The following ALK variants were observed in gnomAD, a reference collection of about 807,000 sequenced individuals.
ALK encodes the protein ALK receptor tyrosine kinase, also known as ALK tyrosine kinase receptor.
Under a neutral mutation model 163.1 loss-of-function variants are expected in ALK, and 74 were observed. The ratio of observed to expected loss-of-function variants is 0.45; its 90% CI spans 0.38 to 0.55. The LOEUF (loss-of-function observed/expected upper bound fraction) is 0.55, where lower values mean the gene tolerates loss of function less well. ALK is among the 20% of genes least tolerant of loss of function. The pLI is 0.00. For synonymous variants in ALK, 960 were observed against 843.2 expected (o/e 1.14, Z -2.40); for missense variants, 2,063 against 2,105.3 (o/e 0.98, Z 0.39).
chr2:29,810,313 T>G (rs1664724786), intron 1 of ALK, among the ~76,000 whole-genome samples: 1 of 150,706 alleles, frequency 6.6e-6, no homozygotes, highest in South Asian at 2.1e-4. Flanking sequence ...TTCCAGCTAC[T>G]CGGGAGGCTG....
chr2:29,824,429 G>C (rs1430815213), intron 1 of ALK, among the ~76,000 whole-genome samples: 1 of 152,206 alleles, frequency 6.6e-6, no homozygotes, highest in Non-Finnish European at 1.5e-5. Context: ...TGCACCATGA[G>C]CCTGGAAAAG....
chr2:29,764,652 G>C (rs751028839), intron 1 of ALK, among the ~76,000 whole-genome samples: 1 of 152,180 alleles, frequency 6.6e-6, no homozygotes, highest in African/African-American at 2.4e-5. Context: ...AGGGTGGGCA[G>C]GGACTCCCAA....
At chr2:29,717,798 A>G in intron 1 of ALK, 101 bp from the exon 2 acceptor site, 1 of 1,513,982 alleles carries the variant, frequency 6.6e-7, no homozygotes, top group Non-Finnish European at 9.2e-7. Flanking sequence ...AGGGGCTTTC[A>G]TGACATCCAT....
intron 3 of ALK, among the ~76,000 whole-genome samples, chr2:29,575,781 ATT>A (rs1674508389): frequency 2.0e-5 from 3 of 152,136 alleles, no homozygotes; most frequent in Admixed American, 6.5e-5. Flanking sequence ...TAAGCAGAAG[ATT>A]GCTCTTCTGC....
chr2:29,288,917 A>G (rs1276994414), intron 9 of ALK, among the ~76,000 whole-genome samples: 4 of 145,432 alleles, frequency 2.8e-5, no homozygotes, highest in African/African-American at 7.5e-5. Flanking sequence ...GTGCCACTGC[A>G]CTCCAGCCTG....
intron 4 of ALK, among the ~76,000 whole-genome samples, chr2:29,505,032 G>T (rs1169453476): frequency 6.6e-6 from 1 of 152,166 alleles, no homozygotes; most frequent in East Asian, 1.9e-4. Context: ...GTGGCCTGTG[G>T]TCACTCCAAG....
chr2:29,194,228 A>G (rs1668966756), intron 28 of ALK, among the ~76,000 whole-genome samples: 1 of 152,178 alleles, frequency 6.6e-6, no homozygotes, highest in South Asian at 2.1e-4. Flanking sequence ...TGGATTTAAA[A>G]AAAAAATTAA....
chr2:29,241,390 A>T (rs1664518918), intron 12 of ALK, among the ~76,000 whole-genome samples: 2 of 152,000 alleles, frequency 1.3e-5, no homozygotes, highest in African/African-American at 4.8e-5. Flanking sequence ...AAACAACATG[A>T]TAGTCCAACA....
In ALK at chr2:29,225,550, TC is replaced by T. The variant is rs1663951981; in HGVS notation, c.3082del (p.Glu1028SerfsTer8). 6.3e-7 allele frequency: 1 copy of T among 1,599,292 alleles called. No homozygotes were observed. Among genetic ancestry groups the T allele is most frequent in the Non-Finnish European group, 8.5e-7 (1 of 1,174,978 alleles). ...GATCAGCGAGAGTGGCAGGTGTGGC[TC>T]CGGGGTGGGTGACACTGGAAGACAG... ...GVSCIVSPTP[E>X]PHLPLSLILS... On this transcript the variant is annotated frameshift_variant, in exon 19 of 29. Transcript: ENST00000389048. LOFTEE classifies it high-confidence loss of function.
chr2:29,546,384 T>C (rs1187113393), intron 3 of ALK, among the ~76,000 whole-genome samples: 1 of 152,232 alleles, frequency 6.6e-6, no homozygotes, highest in Non-Finnish European at 1.5e-5. Context: ...CCTTTTTCCC[T>C]AAGAGCTCAT....
chr2:29,222,650 C>A (rs1430840013), intron 20 of ALK, 43 bp from the exon 21 acceptor site: 1 of 1,580,114 alleles, frequency 6.3e-7, no homozygotes, highest in Non-Finnish European at 8.7e-7. Context: ...TCAAACAGGC[C>A]ACAATAATGA....
intron 7 of ALK, among the ~76,000 whole-genome samples, chr2:29,320,280 T>G (rs1666983655): frequency 1.3e-5 from 2 of 152,232 alleles, no homozygotes. Context: ...GGGGGATGGC[T>G]GGAGAGGCTG....
intron 3 of ALK, among the ~76,000 whole-genome samples, chr2:29,693,976 A>T (rs944355316): frequency 1.3e-5 from 2 of 152,160 alleles, no homozygotes; most frequent in East Asian, 1.9e-4. Context: ...TGAAAAAACT[A>T]CCCTGAATGT....
intron 1 of ALK, among the ~76,000 whole-genome samples, chr2:29,866,658 T>A (rs1666442454): frequency 6.6e-6 from 1 of 152,336 alleles, no homozygotes; most frequent in Non-Finnish European, 1.5e-5. Flanking sequence ...AGACTGGCAG[T>A]GACTGATGAG....
At chr2:29,274,292 T>C (rs1665471146) in intron 11 of ALK, among the ~76,000 whole-genome samples, 1 of 152,278 alleles carries the variant, frequency 6.6e-6, no homozygotes, top group Admixed American at 6.5e-5. Flanking sequence ...TTATCATTGA[T>C]CTGTTATTAT....
chr2:29,402,858 A>G (rs1281663795), intron 4 of ALK, among the ~76,000 whole-genome samples: 1 of 152,002 alleles, frequency 6.6e-6, no homozygotes, highest in African/African-American at 2.4e-5. Context: ...TTCACATGTG[A>G]TCACCACAAA....
intron 1 of ALK, among the ~76,000 whole-genome samples, chr2:29,779,320 G>C (rs1681270154): frequency 6.6e-6 from 1 of 152,296 alleles, no homozygotes; most frequent in Admixed American, 6.5e-5. Context: ...CTGGGGCCTG[G>C]GCTGAGTGGG....
intron 4 of ALK, among the ~76,000 whole-genome samples, chr2:29,530,264 G>A (rs1673087673): frequency 6.6e-6 from 1 of 152,162 alleles, no homozygotes; most frequent in South Asian, 2.1e-4. Flanking sequence ...GAAAGGTAAA[G>A]AGGGAAAAAC....
At chr2:29,698,167 A>C (rs1446642654) in intron 2 of ALK, among the ~76,000 whole-genome samples, 1 of 152,170 alleles carries the variant, frequency 6.6e-6, no homozygotes, top group Non-Finnish European at 1.5e-5. Flanking sequence ...TGAGTTGATA[A>C]GCCACTTGCT....
Sources: gnomAD v4.1 joint callset for allele counts (sites outside exome capture counted in the v4.1 genomes callset) on GRCh38, gnomAD v4.1.1 for gene constraint, MANE v1.5 for transcripts, NCBI Gene and HGNC (gene_info 2026-07-23, HGNC 2026-07-21) for gene names.